Variants in EIPR1 observed in about 807,000 individuals in gnomAD.
EIPR1 encodes EARP and GARP complex-interacting protein 1.
A neutral mutation model predicts 48.1 loss-of-function variants in EIPR1; 25 were observed. The observed-to-expected ratio is 0.52, with a 90% CI of 0.38 to 0.73. EIPR1 has a LOEUF of 0.73. Among genes scored for constraint, EIPR1 ranks in the 30% least tolerant of loss-of-function variants. The pLI, the probability that EIPR1 is intolerant of heterozygous loss-of-function variation, is 0.00. For synonymous variants in EIPR1, 204 were observed against 201.9 expected (o/e 1.01, Z -0.09); for missense variants, 415 against 506.2 (o/e 0.82, Z 1.73).
At chr2:3,365,180 A>T (rs1448498470) in intron 1 of EIPR1, among the ~76,000 whole-genome samples, 3 of 151,854 alleles carry the variant, frequency 2.0e-5, no homozygotes, top group Non-Finnish European at 4.4e-5. Context: ...GCTCAAGACT[A>T]TAATTCCACA....
rs1265117765 is a variant in EIPR1, at chr2:3,189,989, C to T, written c.990-481G>A. 6.6e-6 allele frequency among the ~76,000 whole-genome samples: 1 copy of T among 152,078 alleles called. No homozygotes were observed. The highest frequency in any genetic ancestry group is 1.5e-5 in the Non-Finnish European group (1 of 67,984). On this transcript the variant is annotated intron_variant, in intron 8 of 8. Coordinates refer to ENST00000382125, the MANE Select transcript of EIPR1 (RefSeq NM_003310.5). This position sits in a 1 kb window ranked among gnomAD's most constrained non-coding sequence, Gnocchi z 4.6. ...TGTGTAGGAGTCAGAGGCTGGGGCA[C>T]AAGGAGCCTTGCTAGGATGGGAGTG...
intron 2 of EIPR1, among the ~76,000 whole-genome samples, chr2:3,348,730 G>A (rs969526098): frequency 5.9e-5 from 9 of 152,240 alleles, no homozygotes; most frequent in Non-Finnish European, 1.2e-4. Flanking sequence ...ATTTTCCAGG[G>A]AATCAACGAC....
chr2:3,324,922 C>A (rs1179709583), intron 3 of EIPR1, among the ~76,000 whole-genome samples: 1 of 152,246 alleles, frequency 6.6e-6, no homozygotes, highest in Non-Finnish European at 1.5e-5. Flanking sequence ...CTGTAACAAC[C>A]TGAAAAGCAG....
intron 3 of EIPR1, among the ~76,000 whole-genome samples, chr2:3,323,760 C>A (rs1259745679): frequency 2.0e-5 from 3 of 152,202 alleles, no homozygotes; most frequent in South Asian, 2.1e-4. Flanking sequence ...CCTCTATGAA[C>A]CCTGTTTTCT....
chr2:3,373,635 C>A (rs1659769268), intron 1 of EIPR1, among the ~76,000 whole-genome samples: 1 of 152,090 alleles, frequency 6.6e-6, no homozygotes, highest in South Asian at 2.1e-4. Flanking sequence ...ACAATTGCTT[C>A]AAAGAGAATA....
intron 1 of EIPR1, among the ~76,000 whole-genome samples, chr2:3,369,739 G>A (rs543898581): frequency 2.3e-3 from 349 of 152,346 alleles, no homozygotes; most frequent in African/African-American, 6.7e-3. Context: ...CGGGAAGCTC[G>A]AACTGGGTGG....
chr2:3,328,157 C>T (rs1017041858), intron 3 of EIPR1, among the ~76,000 whole-genome samples: 1 of 152,182 alleles, frequency 6.6e-6, no homozygotes, highest in Non-Finnish European at 1.5e-5. Context: ...CTCAGACCTC[C>T]AGGTCCAAAC....
chr2:3,288,788 G>A (rs13020815), intron 3 of EIPR1, among the ~76,000 whole-genome samples: 8,894 of 152,302 alleles, frequency 0.058, 271 homozygotes, highest in Non-Finnish European at 0.063. Flanking sequence ...GGACAGACGC[G>A]CAGCACGCAG....
intron 2 of EIPR1, among the ~76,000 whole-genome samples, chr2:3,348,024 G>A (rs1281965717): frequency 6.6e-6 from 1 of 152,210 alleles, no homozygotes; most frequent in Non-Finnish European, 1.5e-5. Context: ...TGTTGACCAA[G>A]CACCCTGGTG....
chr2:3,282,183 G>A (rs1668033661), intron 3 of EIPR1, among the ~76,000 whole-genome samples: 2 of 152,350 alleles, frequency 1.3e-5, no homozygotes, highest in South Asian at 4.1e-4. Flanking sequence ...TCAGCTCCCT[G>A]CTGGGTTGGT....
intron 4 of EIPR1, among the ~76,000 whole-genome samples, chr2:3,256,838 A>G (rs958276086): frequency 5.9e-5 from 9 of 152,198 alleles, no homozygotes; most frequent in Non-Finnish European, 1.0e-4. Flanking sequence ...ATGACACACC[A>G]CATGCCGGAC....
chr2:3,199,197 C>T (rs895022486), intron 5 of EIPR1, among the ~76,000 whole-genome samples: 1 of 152,044 alleles, frequency 6.6e-6, no homozygotes, highest in African/African-American at 2.4e-5. Flanking sequence ...CCACCCGGCT[C>T]CCAGGCAGCC....
At chr2:3,340,602 A>G (rs547098363) in intron 2 of EIPR1, among the ~76,000 whole-genome samples, 2 of 152,370 alleles carry the variant, frequency 1.3e-5, no homozygotes, top group South Asian at 4.1e-4. Context: ...TACACATTTT[A>G]TAATATATTA....
At chr2:3,217,253 A>T (rs1558229639) in intron 4 of EIPR1, among the ~76,000 whole-genome samples, 2 of 152,248 alleles carry the variant, frequency 1.3e-5, no homozygotes, top group African/African-American at 4.8e-5. Context: ...TTGAAACACT[A>T]GCATGTACTC....
chr2:3,341,918 C>T (rs1670263108), intron 2 of EIPR1, among the ~76,000 whole-genome samples: 1 of 152,044 alleles, frequency 6.6e-6, no homozygotes, highest in South Asian at 2.1e-4. Context: ...TAACCAATGA[C>T]TCAAAAATTT....
chr2:3,191,410 G>C (rs568482803), intron 8 of EIPR1, among the ~76,000 whole-genome samples: 1 of 152,062 alleles, frequency 6.6e-6, no homozygotes, highest in Non-Finnish European at 1.5e-5. Context: ...GAGAGGGTCC[G>C]AAGACAGAGA....
At chr2:3,320,594 G>C (rs895119932) in intron 3 of EIPR1, 1 of 152,256 alleles carries the variant, frequency 6.6e-6, no homozygotes, top group Non-Finnish European at 1.5e-5. Flanking sequence ...ATAAGACTTA[G>C]CAACCCACAC....
Position 3,314,356 on chromosome 2 carries a change from G to A in EIPR1, c.259+23661C>T, listed in dbSNP as rs369079459. 3.9e-5 allele frequency among the ~76,000 whole-genome samples: 6 copies of A among 152,172 alleles called. No individual in the cohort carries two copies. The East Asian group carries it at 1.2e-3, about 29-fold the overall frequency. Reference sequence around the variant, plus strand: ...AAGCCAGTTCCCAATTATACAGCAGGCTTCACAGTCCTAATTTATCAATCT... The same window carrying A: ...AAGCCAGTTCCCAATTATACAGCAGACTTCACAGTCCTAATTTATCAATCT... On this transcript the variant is annotated intron_variant, in intron 3 of 8. Coordinates refer to ENST00000382125, the MANE Select transcript of EIPR1 (RefSeq NM_003310.5).
chr2:3,343,837 C>G (rs754536877), intron 2 of EIPR1, among the ~76,000 whole-genome samples: 7 of 152,100 alleles, frequency 4.6e-5, no homozygotes, highest in Non-Finnish European at 8.8e-5. Context: ...GAGTACAGAG[C>G]TGAGGCCATC....
Sources: gnomAD v4.1 joint callset for allele counts (sites outside exome capture counted in the v4.1 genomes callset) on GRCh38, gnomAD v4.1.1 for gene constraint, Gnocchi (gnomAD v3.1) non-coding constraint, MANE v1.5 for transcripts, NCBI Gene and HGNC (gene_info 2026-07-23, HGNC 2026-07-21) for gene names.